The following NRG3 variants were observed in gnomAD, a reference collection of about 807,000 sequenced individuals.
The protein encoded by NRG3 is neuregulin 3.
In NRG3, 31 loss-of-function variants were observed where a neutral mutation model predicts 66.9. The ratio of observed to expected loss-of-function variants is 0.46; its 90% CI spans 0.35 to 0.63. The LOEUF (loss-of-function observed/expected upper bound fraction) is 0.63. Among genes scored for constraint, NRG3 ranks in the 20% least tolerant of loss-of-function variants. The pLI, the probability that NRG3 is intolerant of heterozygous loss-of-function variation, is 0.00. For synonymous variants in NRG3, 393 were observed against 359.4 expected, an observed-to-expected ratio of 1.09 and a Z score of -1.06; for missense variants, 910 against 878.9, an observed-to-expected ratio of 1.04 and a Z score of -0.45.
intron 2 of NRG3, among the ~76,000 whole-genome samples, chr10:82,587,978 A>G (rs2046772029): frequency 6.6e-6 from 1 of 152,182 alleles, no homozygotes; most frequent in Non-Finnish European, 1.5e-5. Context: ...AGTCATATAC[A>G]TGTGTTTATA....
At chr10:82,480,049 C>A (rs140973470) in intron 2 of NRG3, among the ~76,000 whole-genome samples, 1 of 152,162 alleles carries the variant, frequency 6.6e-6, no homozygotes, top group Non-Finnish European at 1.5e-5. Context: ...AGAAAGAATG[C>A]CTAATGTTTT....
At chr10:82,372,383 T>A (rs918271586) in intron 2 of NRG3, among the ~76,000 whole-genome samples, 1 of 152,226 alleles carries the variant, frequency 6.6e-6, no homozygotes, top group African/African-American at 2.4e-5. Flanking sequence ...ACATTTTTAA[T>A]TTCTTTCACT....
chr10:82,453,682 T>TAAA (rs541557844), intron 2 of NRG3, among the ~76,000 whole-genome samples: 1 of 126,344 alleles, frequency 7.9e-6, no homozygotes, highest in Non-Finnish European at 1.7e-5. Flanking sequence ...TGTTTTGAGC[T>TAAA]AAAAAAAAAA....
chr10:82,930,375 G>T (rs925562459), intron 4 of NRG3, among the ~76,000 whole-genome samples: 1 of 152,148 alleles, frequency 6.6e-6, no homozygotes, highest in Admixed American at 6.5e-5. Flanking sequence ...TTTATAAACA[G>T]GACTATCTGT....
chr10:82,281,228 G>A (rs2079105948), intron 1 of NRG3, among the ~76,000 whole-genome samples: 1 of 152,112 alleles, frequency 6.6e-6, no homozygotes, highest in Non-Finnish European at 1.5e-5. Flanking sequence ...ATTTCCGTCT[G>A]GGATGAGGTA....
chr10:82,509,658 A>G (rs1259030462), intron 2 of NRG3, among the ~76,000 whole-genome samples: 1 of 152,176 alleles, frequency 6.6e-6, no homozygotes, highest in Non-Finnish European at 1.5e-5. Context: ...ACTCCAGGAC[A>G]CCACTGTGTT....
chr10:82,948,154 A>C (rs1293089381), intron 4 of NRG3, among the ~76,000 whole-genome samples: 2 of 152,074 alleles, frequency 1.3e-5, no homozygotes, highest in Non-Finnish European at 2.9e-5. Context: ...TATTGATGCA[A>C]TGTCATTTTT....
At chr10:82,161,004 C>T (rs190678623) in intron 1 of NRG3, among the ~76,000 whole-genome samples, 30 of 152,006 alleles carry the variant, frequency 2.0e-4, no homozygotes, top group African/African-American at 6.7e-4. Flanking sequence ...CGAGGTTAGA[C>T]GTTGGTGAAG....
intron 4 of NRG3, among the ~76,000 whole-genome samples, chr10:82,903,373 AT>A (rs1461134579): frequency 6.6e-6 from 1 of 151,990 alleles, no homozygotes; most frequent in Non-Finnish European, 1.5e-5. Flanking sequence ...GTTCTTATAT[AT>A]TTTTCATTGT....
At chr10:82,679,842 G>A (rs1487396148) in intron 2 of NRG3, among the ~76,000 whole-genome samples, 1 of 151,680 alleles carries the variant, frequency 6.6e-6, no homozygotes, top group Non-Finnish European at 1.5e-5. Context: ...AGTGTTCAGA[G>A]TCTATGTTCT....
At chr10:82,410,793 A>G (rs901794470) in intron 2 of NRG3, among the ~76,000 whole-genome samples, 2 of 152,140 alleles carry the variant, frequency 1.3e-5, no homozygotes, top group Non-Finnish European at 2.9e-5. Flanking sequence ...TGTGTTATCA[A>G]TTCCAAAATT....
chr10:82,077,660 C>T (rs907299916), intron 1 of NRG3, among the ~76,000 whole-genome samples: 1 of 152,144 alleles, frequency 6.6e-6, no homozygotes, highest in African/African-American at 2.4e-5. Context: ...GGCAAGCAAA[C>T]ATCTTGAAGT....
At chr10:81,885,112 C>G (rs139384079) in intron 1 of NRG3, among the ~76,000 whole-genome samples, 1 of 152,276 alleles carries the variant, frequency 6.6e-6, no homozygotes, top group Non-Finnish European at 1.5e-5. Flanking sequence ...CTTTTTAACT[C>G]TCTATTTTCT....
intron 1 of NRG3, among the ~76,000 whole-genome samples, chr10:82,106,347 G>T (rs927789825): frequency 1.3e-5 from 2 of 152,110 alleles, no homozygotes; most frequent in African/African-American, 4.8e-5. Flanking sequence ...ACCCAGGAGG[G>T]TTCACCACAA....
At chr10:82,286,991 G>C (rs1231924576) in intron 1 of NRG3, among the ~76,000 whole-genome samples, 1 of 152,186 alleles carries the variant, frequency 6.6e-6, no homozygotes, top group Non-Finnish European at 1.5e-5. Flanking sequence ...GGCACCTAGG[G>C]AGCAAGTGAG....
chr10:82,609,203 C>A (rs1256633385), intron 2 of NRG3, among the ~76,000 whole-genome samples: 1 of 152,128 alleles, frequency 6.6e-6, no homozygotes, highest in African/African-American at 2.4e-5. Flanking sequence ...TATTCAAAAG[C>A]ATCACTAATA....
intron 1 of NRG3, among the ~76,000 whole-genome samples, chr10:82,123,384 G>A (rs1469855762): frequency 6.6e-6 from 1 of 152,142 alleles, no homozygotes; most frequent in Non-Finnish European, 1.5e-5. Context: ...CCAAATGCCA[G>A]CCTTGAGTTT....
chr10:82,728,343 C>G (rs139060982), intron 2 of NRG3, among the ~76,000 whole-genome samples: 1 of 152,070 alleles, frequency 6.6e-6, no homozygotes, highest in Admixed American at 6.6e-5. Flanking sequence ...TGGGAGGGAG[C>G]CAATGGGAGG....
In NRG3 at chr10:82,757,082, G is replaced by A. The variant is rs17100750; in HGVS notation, c.1027+18432G>A. On this transcript the variant is annotated intron_variant, in intron 3 of 8. Transcript: ENST00000372141. ...AATGGCATCCGGAGCTGAAAATAGC[G>A]TTAATTACATGAAAAGTTTGTGATG... Among the ~76,000 whole-genome samples, 354 of 152,002 alleles carry A rather than the reference G, an allele frequency of 2.3e-3. 3 individuals are homozygous for A. Among genetic ancestry groups the A allele is most frequent in the African/African-American group, 8.1e-3 (337 of 41,450 alleles).
Sources: allele counts gnomAD v4.1 joint callset (sites outside exome capture counted in the v4.1 genomes callset), GRCh38; gene constraint gnomAD v4.1.1; transcripts MANE v1.5; gene names NCBI Gene and HGNC (gene_info 2026-07-23, HGNC 2026-07-21).